Variants in SSPN observed in about 807,000 individuals in gnomAD.
SSPN encodes the protein K-ras oncogene-associated protein.
A neutral mutation model predicts 19.1 loss-of-function variants in SSPN; 15 were observed. That is an observed-to-expected ratio of 0.78 (90% confidence interval 0.52 to 1.21). The LOEUF (loss-of-function observed/expected upper bound fraction) is 1.21, where lower values mean the gene tolerates loss of function less well. Ranked by LOEUF, SSPN falls within the 50% of genes most tolerant of loss-of-function variation. SSPN has a pLI of 0.00. For synonymous variants in SSPN, 147 were observed against 140.3 expected, an observed-to-expected ratio of 1.05 and a Z score of -0.34; for missense variants, 291 against 314.0, an observed-to-expected ratio of 0.93 and a Z score of 0.55.
At chr12:26,177,376 C>T (rs1454503779) in intron 1 of SSPN, among the ~76,000 whole-genome samples, 1 of 152,156 alleles carries the variant, frequency 6.6e-6, no homozygotes, top group Non-Finnish European at 1.5e-5. Context: ...ATCTTGGACC[C>T]CTGGACACCT....
In SSPN at chr12:26,122,622, G is replaced by A. The variant is rs11048413; in HGVS notation, c.-31+470G>A. The stretch of plus-strand genomic sequence containing the variant: ...CCCCAGAAGCGCGGCTGCCGCCGCC[G>A]CCGCGCCGCCCCCCGGGCCGCCGCC... On this transcript the variant is annotated intron_variant, in intron 1 of 2. Transcript: ENST00000538142. The A allele has an allele frequency of 0.46, 547,683 of 1,179,890 alleles. 131,201 individuals are homozygous for A. Among genetic ancestry groups the A allele is most frequent in the Admixed American group, 0.55 (11,858 of 21,582 alleles). 73.1% of individuals were successfully genotyped at this position (1,179,890 alleles called of 1,614,324 possible). A position where few individuals can be genotyped will look rare whatever the true frequency, so the allele number is the denominator to read the frequency against.
chr12:26,133,819 G>A (rs1944409579), intron 1 of SSPN, among the ~76,000 whole-genome samples: 1 of 152,198 alleles, frequency 6.6e-6, no homozygotes, highest in African/African-American at 2.4e-5. Flanking sequence ...AAAGAGGTGG[G>A]GAGGGGATTC....
chr12:26,178,373 A>G (rs187991187), intron 1 of SSPN, among the ~76,000 whole-genome samples: 58 of 152,158 alleles, frequency 3.8e-4, no homozygotes, highest in Admixed American at 3.6e-3. Flanking sequence ...GTATGTGTGT[A>G]AGCCCTTCAT....
chr12:26,204,182 T>C (rs1944910737), intron 1 of SSPN, among the ~76,000 whole-genome samples: 1 of 152,134 alleles, frequency 6.6e-6, no homozygotes, highest in South Asian at 2.1e-4. Context: ...TTGGAACAGC[T>C]AGAAGTCTGA....
intron 1 of SSPN, among the ~76,000 whole-genome samples, chr12:26,163,032 C>CGTGTGT (rs138827156): frequency 0.041 from 5,977 of 145,750 alleles, 139 homozygotes; most frequent in African/African-American, 0.066. Flanking sequence ...TGCTTCAAGA[C>CGTGTGT]GTGTGTGTGT....
At chr12:26,127,933 G>C (rs1043028929) in intron 1 of SSPN, among the ~76,000 whole-genome samples, 2 of 152,168 alleles carry the variant, frequency 1.3e-5, no homozygotes, top group South Asian at 2.1e-4. Flanking sequence ...TAAGATTAGA[G>C]TACCAGACTG....
intron 1 of SSPN, among the ~76,000 whole-genome samples, chr12:26,200,885 C>T (rs947253757): frequency 6.6e-6 from 1 of 151,344 alleles, no homozygotes; most frequent in Non-Finnish European, 1.5e-5. Flanking sequence ...CATGGCCCAA[C>T]TCAATCTCCA....
At chr12:26,160,088 G>A (rs1944578318) in intron 1 of SSPN, among the ~76,000 whole-genome samples, 1 of 152,186 alleles carries the variant, frequency 6.6e-6, no homozygotes, top group African/African-American at 2.4e-5. Context: ...TCAGCACAAA[G>A]GTCTGGGGAG....
chr12:26,157,706 C>T (rs987909668), intron 1 of SSPN, among the ~76,000 whole-genome samples: 3 of 152,128 alleles, frequency 2.0e-5, no homozygotes, highest in African/African-American at 7.2e-5. Context: ...ATATTCTATA[C>T]CCCTGCTTCA....
rs181977661 is a variant in SSPN at position 26,156,372 on chromosome 12, G to A, written c.-31+34220G>A. Among the ~76,000 whole-genome samples the A allele has an allele frequency of 4.6e-5, 7 of 152,350 alleles. No homozygotes were observed. The East Asian group carries it at 1.2e-3, about 25-fold the overall frequency. On this transcript the variant is annotated intron_variant, in intron 1 of 2. Transcript: ENST00000538142. ...TGCTAAGCCTGGGTGTGAGGGAGCAGAGATGGCATCTACCTCGAATGGTGG... is the reference window on the plus strand; with the variant it reads ...TGCTAAGCCTGGGTGTGAGGGAGCAAAGATGGCATCTACCTCGAATGGTGG...
intron 1 of SSPN, among the ~76,000 whole-genome samples, chr12:26,174,971 A>T (rs1944675688): frequency 6.6e-6 from 1 of 152,170 alleles, no homozygotes; most frequent in African/African-American, 2.4e-5. Context: ...TTATTTTGCA[A>T]TCCAGCCATG....
In SSPN at chr12:26,231,349, AT is replaced by A; in HGVS notation, c.*274del. On this transcript the variant is annotated 3_prime_UTR_variant, in exon 3 of 3. Transcript: ENST00000242729. ...AACAAGGAAAGAATGGCATAGATCT[AT>A]CTTTACAGTCTGGAGTTAATTCCTG... 2.8e-6 allele frequency: 1 copy of A among 351,914 alleles called. No homozygotes were observed. The highest frequency in any genetic ancestry group is 5.0e-6 in the Non-Finnish European group (1 of 198,436). 21.8% of individuals were successfully genotyped at this position (351,914 alleles called of 1,614,324 possible). A position where few individuals can be genotyped will look rare whatever the true frequency, so the allele number is the denominator to read the frequency against.
chr12:26,186,901 C>G (rs1394441417), intron 1 of SSPN, among the ~76,000 whole-genome samples: 3 of 152,134 alleles, frequency 2.0e-5, no homozygotes, highest in Non-Finnish European at 4.4e-5. Context: ...TTTTCTGAGG[C>G]TAAATAATGT....
In SSPN at chr12:26,201,048, A is replaced by ATATATATAT. The variant is rs1944880082; in HGVS notation, c.279+5098_279+5106dup. 1.2e-3 allele frequency among the ~76,000 whole-genome samples: 80 copies of ATATATATAT among 68,188 alleles called. 1 individual carries two copies. Among genetic ancestry groups the ATATATATAT allele is most frequent in the Middle Eastern group, 7.7e-3 (1 of 130 alleles). 44.7% of individuals were successfully genotyped at this position (68,188 alleles called of 152,430 possible). A position where few individuals can be genotyped will look rare whatever the true frequency, so the allele number is the denominator to read the frequency against. On this transcript the variant is annotated intron_variant, in intron 1 of 2. Transcript: ENST00000242729. ...ATATATATATATATATATATATATT[A>ATATATATAT]TATATATATATTTGGAAATAAAATG...
chr12:26,145,108 C>G (rs1944482240), intron 1 of SSPN, among the ~76,000 whole-genome samples: 1 of 152,184 alleles, frequency 6.6e-6, no homozygotes. Context: ...GGCAAGGTGA[C>G]TGGACCTGCA....
At position 26,232,764 on chromosome 12, in the gene SSPN, T is replaced by G; in HGVS notation, c.*1688T>G. The G allele has an allele frequency of 1.0e-6, 1 of 972,826 alleles. No individual in the cohort carries two copies. Among genetic ancestry groups the G allele is most frequent in the Non-Finnish European group, 1.2e-6 (1 of 818,454 alleles). 60.3% of individuals were successfully genotyped at this position (972,826 alleles called of 1,614,324 possible). A position where few individuals can be genotyped will look rare whatever the true frequency, so the allele number is the denominator to read the frequency against. ...GATTAACAGATGTTAAACCTTTTAA[T>G]GTTTTGATTTGCTTTAAAAATGGCC... On this transcript the variant is annotated 3_prime_UTR_variant, in exon 3 of 3. Coordinates refer to ENST00000242729, the MANE Select transcript of SSPN (RefSeq NM_005086.5).
chr12:26,165,266 A>C (rs1944613606), intron 1 of SSPN, among the ~76,000 whole-genome samples: 1 of 152,152 alleles, frequency 6.6e-6, no homozygotes, highest in African/African-American at 2.4e-5. Context: ...AGAGCTGGGG[A>C]AAGTATTTTC....
chr12:26,134,176 T>G (rs992760025), intron 1 of SSPN, among the ~76,000 whole-genome samples: 1 of 152,226 alleles, frequency 6.6e-6, no homozygotes, highest in Non-Finnish European at 1.5e-5. Context: ...CAGCTTTCTT[T>G]CAAAAAATAT....
rs566706399 is a variant in SSPN at position 26,210,301 on chromosome 12, A to G, written c.280-13992A>G. Among the ~76,000 whole-genome samples the G allele has an allele frequency of 7.2e-5, 11 of 152,266 alleles. No individual in the cohort carries two copies. In the South Asian group the frequency reaches 2.1e-3, roughly 29 times the overall value. ...AAAGATGAAGACTAAAAAATAATCAATATACTAATAATACACCTAACAAGT... is the reference window on the plus strand; with the variant it reads ...AAAGATGAAGACTAAAAAATAATCAGTATACTAATAATACACCTAACAAGT... On this transcript the variant is annotated intron_variant, in intron 1 of 2. Coordinates refer to ENST00000242729, the MANE Select transcript of SSPN (RefSeq NM_005086.5).
Sources: allele counts gnomAD v4.1 joint callset (sites outside exome capture counted in the v4.1 genomes callset), GRCh38; gene constraint gnomAD v4.1.1; transcripts MANE v1.5; gene names NCBI Gene and HGNC (gene_info 2026-07-23, HGNC 2026-07-21).